The following SLC25A21 variants were observed in gnomAD, a reference collection of about 807,000 sequenced individuals.
The protein encoded by SLC25A21 is mitochondrial 2-oxodicarboxylate carrier.
In SLC25A21, 47 loss-of-function variants were observed where a neutral mutation model predicts 43.8. That is an observed-to-expected ratio of 1.07 (90% CI 0.85 to 1.37). The LOEUF is 1.37. SLC25A21 is among the 40% of genes most tolerant of loss of function. The probability of loss-of-function intolerance (pLI) is 0.00; values close to 1 mark genes in which losing one functional copy is unlikely to be tolerated. For missense variants in SLC25A21, 352 were observed against 350.2 expected, an observed-to-expected ratio of 1.00 and a Z score of -0.04; for synonymous variants, 131 against 121.3, an observed-to-expected ratio of 1.08 and a Z score of -0.52.
chr14:36,860,472 C>G (rs1490892605), intron 2 of SLC25A21, among the ~76,000 whole-genome samples: 1 of 152,190 alleles, frequency 6.6e-6, no homozygotes, highest in Non-Finnish European at 1.5e-5. Context: ...CAGTGCTGAA[C>G]TAGAACGCTG....
intron 3 of SLC25A21, among the ~76,000 whole-genome samples, chr14:36,760,061 A>C (rs750556553): frequency 2.0e-5 from 3 of 152,094 alleles, no homozygotes; most frequent in Admixed American, 6.5e-5. Context: ...TTTCCCATGC[A>C]TGCTTTCTCT....
rs183216706 is a variant in SLC25A21, at chr14:36,742,880, T to G, written c.204-8307A>C. The stretch of plus-strand genomic sequence containing the variant: ...TTACCCCAAACCATACCACTTTCAT[T>G]ATACGCTGTATGGAGGAATTCTTTC... On this transcript the variant is annotated intron_variant, in intron 3 of 9. Coordinates refer to ENST00000331299, the MANE Select transcript of SLC25A21 (RefSeq NM_030631.4). Among the ~76,000 whole-genome samples the G allele has an allele frequency of 1.6e-4, 25 of 152,236 alleles. No individual in the cohort carries two copies. The East Asian group carries it at 4.4e-3, about 27-fold the overall frequency.
At chr14:37,009,886 G>C (rs569633671) in intron 1 of SLC25A21, among the ~76,000 whole-genome samples, 2 of 152,078 alleles carry the variant, frequency 1.3e-5, no homozygotes, top group African/African-American at 4.8e-5. Flanking sequence ...ACATTGCTTT[G>C]CAAGCTTTAA....
chr14:36,864,049 A>C (rs1212189948), intron 2 of SLC25A21, among the ~76,000 whole-genome samples: 2 of 152,222 alleles, frequency 1.3e-5, no homozygotes, highest in Non-Finnish European at 2.9e-5. Flanking sequence ...ATGGCCTATC[A>C]TCCTCAAACC....
At chr14:36,927,630 T>A (rs1008038675) in intron 1 of SLC25A21, among the ~76,000 whole-genome samples, 1 of 152,204 alleles carries the variant, frequency 6.6e-6, no homozygotes, top group East Asian at 1.9e-4. Flanking sequence ...GCTATCTCTA[T>A]CTGGATGATC....
intron 3 of SLC25A21, among the ~76,000 whole-genome samples, chr14:36,760,350 A>AGGAAGGAG (rs1325447934): frequency 6.7e-6 from 1 of 150,230 alleles, no homozygotes; most frequent in Non-Finnish European, 1.5e-5. Context: ...GAAGGAAGGA[A>AGGAAGGAG]GGAAGGAAGG....
At chr14:36,904,219 G>GT (rs1484134702) in intron 1 of SLC25A21, among the ~76,000 whole-genome samples, 1 of 152,178 alleles carries the variant, frequency 6.6e-6, no homozygotes, top group Non-Finnish European at 1.5e-5. Flanking sequence ...TTGACCACGC[G>GT]TAAGTCAATA....
chr14:37,001,704 A>G (rs1960493804), intron 1 of SLC25A21, among the ~76,000 whole-genome samples: 1 of 152,096 alleles, frequency 6.6e-6, no homozygotes. Context: ...AGTAAGACAC[A>G]TTGCCTACTC....
chr14:37,021,602 C>T (rs1960986539), intron 1 of SLC25A21, among the ~76,000 whole-genome samples: 1 of 151,974 alleles, frequency 6.6e-6, no homozygotes, highest in South Asian at 2.1e-4. Flanking sequence ...GACTTCAGCT[C>T]TGTAAATCAA....
chr14:36,908,862 A>G (rs1846183385), intron 1 of SLC25A21, among the ~76,000 whole-genome samples: 2 of 152,178 alleles, frequency 1.3e-5, no homozygotes, highest in African/African-American at 4.8e-5. Context: ...ATGAGAAACT[A>G]AGAAAAAAAT....
chr14:36,987,449 CTT>C (rs906910327), intron 1 of SLC25A21, among the ~76,000 whole-genome samples: 4 of 151,980 alleles, frequency 2.6e-5, no homozygotes, highest in Admixed American at 2.0e-4. Flanking sequence ...AGAAAATAAA[CTT>C]TATAATCCTA....
chr14:37,130,335 A>G (rs1963372190), intron 1 of SLC25A21, among the ~76,000 whole-genome samples: 1 of 152,224 alleles, frequency 6.6e-6, no homozygotes, highest in Non-Finnish European at 1.5e-5. Flanking sequence ...CTCAGTATTC[A>G]TAGTATAAGA....
chr14:36,901,689 C>T (rs1891403084), intron 1 of SLC25A21, among the ~76,000 whole-genome samples: 1 of 152,070 alleles, frequency 6.6e-6, no homozygotes, highest in Non-Finnish European at 1.5e-5. Context: ...AGGGCATTTG[C>T]AGTACTTAAA....
chr14:36,958,524 TCACA>T (rs1959398875), intron 1 of SLC25A21, among the ~76,000 whole-genome samples: 1 of 152,142 alleles, frequency 6.6e-6, no homozygotes, highest in Non-Finnish European at 1.5e-5. Flanking sequence ...CTTCCCAACT[TCACA>T]GAGATATTAA....
chr14:36,866,300 T>A (rs1239905428), intron 2 of SLC25A21, among the ~76,000 whole-genome samples: 4 of 152,162 alleles, frequency 2.6e-5, no homozygotes, highest in African/African-American at 9.7e-5. Flanking sequence ...TCAGTCCTTG[T>A]AGGATTGGCA....
At chr14:37,076,193 C>T (rs1962277298) in intron 1 of SLC25A21, among the ~76,000 whole-genome samples, 1 of 152,322 alleles carries the variant, frequency 6.6e-6, no homozygotes, top group Non-Finnish European at 1.5e-5. Flanking sequence ...CAGAGTCCAG[C>T]TCTGTTACCC....
intron 6 of SLC25A21, 130 bp from the exon 7 acceptor site, chr14:36,711,612 C>G (rs1049099537): frequency 1.0e-6 from 1 of 980,232 alleles, no homozygotes; most frequent in East Asian, 2.8e-5. Flanking sequence ...ATAATCATGC[C>G]TAGAACTGTG....
rs573031182 is a variant in SLC25A21, at chr14:36,707,129, G to A, written c.603+4189C>T. ...GCTCTCTCTCTCCTAGAGCCTTTGCGCTAGATGCTCCAGTGTCTGGAATGT... is the reference window on the plus strand; with the variant it reads ...GCTCTCTCTCTCCTAGAGCCTTTGCACTAGATGCTCCAGTGTCTGGAATGT... On this transcript the variant is annotated intron_variant, in intron 7 of 9. Transcript: ENST00000331299. Among the ~76,000 whole-genome samples, 55 of 152,104 alleles carry A rather than the reference G, an allele frequency of 3.6e-4. 1 individual carries two copies. The highest frequency in any genetic ancestry group is 5.7e-4 in the Non-Finnish European group (39 of 68,032).
intron 1 of SLC25A21, among the ~76,000 whole-genome samples, chr14:37,078,377 C>T (rs1365246212): frequency 6.6e-6 from 1 of 152,012 alleles, no homozygotes; most frequent in East Asian, 1.9e-4. Flanking sequence ...ATCTTCCCCA[C>T]AGGGGAAAAC....
Sources: allele counts gnomAD v4.1 joint callset (sites outside exome capture counted in the v4.1 genomes callset), GRCh38; gene constraint gnomAD v4.1.1; transcripts MANE v1.5; gene names NCBI Gene and HGNC (gene_info 2026-07-23, HGNC 2026-07-21).